Variants in SMYD3 observed in about 807,000 individuals in gnomAD.
SMYD3 encodes histone-lysine N-methyltransferase SMYD3.
In SMYD3, 36 loss-of-function variants were observed where a neutral mutation model predicts 57.7. The observed-to-expected ratio is 0.62, with a 90% CI of 0.48 to 0.82. SMYD3 has a LOEUF of 0.82. SMYD3 is among the 40% of genes least tolerant of loss of function. The pLI, the probability that SMYD3 is intolerant of heterozygous loss-of-function variation, is 0.00. For missense variants in SMYD3, 515 were observed against 538.8 expected (o/e 0.96, Z 0.44); for synonymous variants, 211 against 195.0 (o/e 1.08, Z -0.68).
intron 8 of SMYD3, among the ~76,000 whole-genome samples, chr1:245,912,745 A>G (rs2055090553): frequency 6.6e-6 from 1 of 152,198 alleles, no homozygotes; most frequent in Non-Finnish European, 1.5e-5. Flanking sequence ...CACCAAGAAC[A>G]CACAGTGGGG....
chr1:246,372,350 T>G (rs2066206901), intron 1 of SMYD3, among the ~76,000 whole-genome samples: 1 of 152,184 alleles, frequency 6.6e-6, no homozygotes, highest in African/African-American at 2.4e-5. Flanking sequence ...CCATCTGAGT[T>G]TGAGCATATC....
At chr1:245,927,817 C>A in intron 7 of SMYD3, 114 bp downstream of exon 7, 1 of 737,782 alleles carries the variant, frequency 1.4e-6, no homozygotes, top group East Asian at 3.0e-5. Context: ...CTCTCACTGG[C>A]AGAAGGACAA....
chr1:245,947,889 A>C (rs1240032751), intron 5 of SMYD3, among the ~76,000 whole-genome samples: 2 of 152,204 alleles, frequency 1.3e-5, no homozygotes, highest in African/African-American at 4.8e-5. Context: ...TTCCAGAAGT[A>C]AGTCACAGTG....
chr1:246,159,008 T>A (rs941078705), intron 5 of SMYD3, among the ~76,000 whole-genome samples: 2 of 151,684 alleles, frequency 1.3e-5, no homozygotes, highest in Admixed American at 6.6e-5. Context: ...GTGGCGACAA[T>A]AAAACAGAAT....
At chr1:246,060,091 CAGCCTGGGCAACATTACA>C (rs2060224193) in intron 5 of SMYD3, among the ~76,000 whole-genome samples, 2 of 152,026 alleles carry the variant, frequency 1.3e-5, no homozygotes, top group African/African-American at 4.8e-5. Flanking sequence ...CAGGATAGAC[CAGCCTGGGCAACATTACA>C]AGACCTTGTC....
chr1:245,832,804 A>G (rs1235968872), intron 10 of SMYD3, among the ~76,000 whole-genome samples: 1 of 152,168 alleles, frequency 6.6e-6, no homozygotes, highest in Non-Finnish European at 1.5e-5. Context: ...TTCAAGTTTC[A>G]TGTGCCTTTT....
At position 246,298,297 on chromosome 1, in the gene SMYD3, T is replaced by C. The variant is rs191287928; in HGVS notation, c.531+28904A>G. 6.4e-4 allele frequency among the ~76,000 whole-genome samples: 98 copies of C among 152,248 alleles called. No individual in the cohort carries two copies. In the East Asian group the frequency reaches 0.014, roughly 22 times the overall value. On this transcript the variant is annotated intron_variant, in intron 5 of 11. Coordinates refer to ENST00000490107, the MANE Select transcript of SMYD3 (RefSeq NM_001167740.2). ...AGAATAAAACATAAGTGCATACTAA[T>C]ATCAAGAACTACAAAGGTGGCAAAT...
chr1:245,894,869 A>G (rs1341442058), intron 8 of SMYD3, among the ~76,000 whole-genome samples: 1 of 152,198 alleles, frequency 6.6e-6, no homozygotes, highest in African/African-American at 2.4e-5. Context: ...GAAAGGTGAG[A>G]CAGAATTCAC....
chr1:245,761,043 CT>C (rs1278326754), intron 11 of SMYD3, among the ~76,000 whole-genome samples: 2 of 152,156 alleles, frequency 1.3e-5, no homozygotes, highest in African/African-American at 2.4e-5. Context: ...ACTCTAAATC[CT>C]TGCACTCTTT....
intron 10 of SMYD3, among the ~76,000 whole-genome samples, chr1:245,843,127 C>G (rs1233650613): frequency 6.6e-6 from 1 of 152,172 alleles, no homozygotes; most frequent in African/African-American, 2.4e-5. Context: ...ACACAGCATG[C>G]TTCCATGTCT....
At chr1:245,817,231 C>G (rs373645859) in intron 10 of SMYD3, among the ~76,000 whole-genome samples, 4,668 of 142,148 alleles carry the variant, frequency 0.033, 87 homozygotes, top group South Asian at 0.085. Flanking sequence ...TCAAGTGGGT[C>G]CCTGACCCCT....
intron 5 of SMYD3, among the ~76,000 whole-genome samples, chr1:246,087,143 C>T (rs1164815488): frequency 6.6e-6 from 1 of 152,142 alleles, no homozygotes; most frequent in African/African-American, 2.4e-5. Context: ...CAGATGAAAG[C>T]TCCCCCCATG....
chr1:246,181,929 A>G (rs755880350), intron 5 of SMYD3, among the ~76,000 whole-genome samples: 27 of 152,330 alleles, frequency 1.8e-4, no homozygotes, highest in African/African-American at 2.4e-4. Context: ...CATTTCCCCA[A>G]TGATCACGTA....
intron 1 of SMYD3, among the ~76,000 whole-genome samples, chr1:246,358,587 T>G (rs1572416775): frequency 6.6e-6 from 1 of 152,106 alleles, no homozygotes; most frequent in East Asian, 1.9e-4. Flanking sequence ...TCAGTAAATT[T>G]AAGAAAATCG....
chr1:246,040,983 G>T (rs9660598), intron 5 of SMYD3, among the ~76,000 whole-genome samples: 1 of 152,040 alleles, frequency 6.6e-6, no homozygotes, highest in Non-Finnish European at 1.5e-5. Flanking sequence ...TGACATTTCA[G>T]TCAAGGACAG....
At chr1:246,198,858 A>C (rs907283545) in intron 5 of SMYD3, among the ~76,000 whole-genome samples, 10 of 152,248 alleles carry the variant, frequency 6.6e-5, no homozygotes, top group African/African-American at 2.4e-4. Flanking sequence ...GTAAATAAAC[A>C]GATGCAATTA....
At chr1:246,101,176 T>C (rs149724437) in intron 5 of SMYD3, among the ~76,000 whole-genome samples, 100 of 143,942 alleles carry the variant, frequency 6.9e-4, no homozygotes, top group African/African-American at 2.3e-3. Flanking sequence ...GAGCTTAAAA[T>C]AGATACTTCC....
In SMYD3 at chr1:246,233,600, T is replaced by C. The variant is rs79327058; in HGVS notation, c.531+93601A>G. On this transcript the variant is annotated intron_variant, in intron 5 of 11. Coordinates refer to ENST00000490107, the MANE Select transcript of SMYD3 (RefSeq NM_001167740.2). ...AGGAGAAGCACTCCTCAATTCACAC[T>C]GTGATGAACATATACCACACAGAGG... Among the ~76,000 whole-genome samples the C allele has an allele frequency of 3.0e-5, 4 of 135,122 alleles. No individual in the cohort carries two copies. The Admixed American group carries it at 3.0e-4, about 10-fold the overall frequency. 88.6% of individuals were successfully genotyped at this position (135,122 alleles called of 152,430 possible).
At chr1:246,215,347 A>AG in intron 5 of SMYD3, among the ~76,000 whole-genome samples, 1 of 152,226 alleles carries the variant, frequency 6.6e-6, no homozygotes, top group Non-Finnish European at 1.5e-5. Flanking sequence ...AAACACACAC[A>AG]CGCTGGGGCT....
Sources: gnomAD v4.1 joint callset for allele counts (sites outside exome capture counted in the v4.1 genomes callset) on GRCh38, gnomAD v4.1.1 for gene constraint, MANE v1.5 for transcripts, NCBI Gene and HGNC (gene_info 2026-07-23, HGNC 2026-07-21) for gene names.